BRINP3: variants seen among roughly 807,000 people sequenced by gnomAD.
BRINP3 encodes BMP/retinoic acid-inducible neural-specific protein 3.
In BRINP3, 19 loss-of-function variants were observed where a neutral mutation model predicts 71.0. That is an observed-to-expected ratio of 0.27 (90% CI 0.19 to 0.39). The LOEUF (loss-of-function observed/expected upper bound fraction) is 0.39, where lower values mean the gene tolerates loss of function less well. BRINP3 is among the 10% of genes least tolerant of loss of function. The pLI, the probability that BRINP3 is intolerant of heterozygous loss-of-function variation, is 1.00. For synonymous variants in BRINP3, 380 were observed against 337.7 expected (o/e 1.13, Z -1.37); for missense variants, 959 against 940.8 (o/e 1.02, Z -0.25).
At position 190,277,226 on chromosome 1, in the gene BRINP3, G is replaced by T. The variant is rs543575292; in HGVS notation, c.427+4334C>A. Among the ~76,000 whole-genome samples the T allele has an allele frequency of 2.0e-5, 3 of 150,118 alleles. No individual in the cohort carries two copies. The Admixed American group carries it at 2.0e-4, about 10-fold the overall frequency. On this transcript the variant is annotated intron_variant, in intron 3 of 7. Transcript: ENST00000367462. ...GTGTCTGATGGCCCACAGAGCTGCA[G>T]TGAGTTAACAGAAAGGCATAGTGTA...
chr1:190,171,946 T>A (rs75319008), intron 6 of BRINP3, among the ~76,000 whole-genome samples: 1 of 137,358 alleles, frequency 7.3e-6, no homozygotes, highest in African/African-American at 2.9e-5. Flanking sequence ...AACTCTATAA[T>A]TTTTTTTTTT....
intron 3 of BRINP3, among the ~76,000 whole-genome samples, chr1:190,273,281 C>A (rs1662273215): frequency 6.6e-6 from 1 of 151,490 alleles, no homozygotes; most frequent in South Asian, 2.1e-4. Flanking sequence ...GTTCAAAAGT[C>A]ATTTTTGTTC....
intron 2 of BRINP3, among the ~76,000 whole-genome samples, chr1:190,388,011 T>TATTAATTATAC (rs1553309070): frequency 6.6e-6 from 1 of 151,856 alleles, no homozygotes; most frequent in Non-Finnish European, 1.5e-5. Flanking sequence ...TCTACATGTA[T>TATTAATTATAC]ATGTACATTA....
At chr1:190,470,478 G>A (rs913915311) in intron 1 of BRINP3, among the ~76,000 whole-genome samples, 1 of 150,954 alleles carries the variant, frequency 6.6e-6, no homozygotes, top group Non-Finnish European at 1.5e-5. Context: ...TTTGCTTTGG[G>A]TGCTTTTAAA....
At chr1:190,227,597 AATTAT>A (rs539457979) in intron 5 of BRINP3, among the ~76,000 whole-genome samples, 167 of 152,032 alleles carry the variant, frequency 1.1e-3, no homozygotes, top group African/African-American at 3.9e-3. Flanking sequence ...TTGGCTAAAC[AATTAT>A]ATTAAGTTCA....
intron 1 of BRINP3, among the ~76,000 whole-genome samples, chr1:190,475,385 G>A (rs111866333): frequency 0.011 from 1,650 of 152,294 alleles, 16 homozygotes; most frequent in Non-Finnish European, 0.015. Context: ...GGCTTAGGAA[G>A]GTTGGAAATG....
At chr1:190,386,845 T>C (rs1468631066) in intron 2 of BRINP3, among the ~76,000 whole-genome samples, 1 of 152,050 alleles carries the variant, frequency 6.6e-6, no homozygotes, top group African/African-American at 2.4e-5. Flanking sequence ...TTCTTAGCTA[T>C]GCCATAGGGT....
chr1:190,241,995 TAA>T (rs1016952254), intron 4 of BRINP3, among the ~76,000 whole-genome samples: 52 of 151,882 alleles, frequency 3.4e-4, no homozygotes, highest in African/African-American at 1.2e-3. Context: ...TGATAGTCAT[TAA>T]GTCTTATTTC....
chr1:190,255,817 T>C (rs1170037532), intron 4 of BRINP3, among the ~76,000 whole-genome samples: 1 of 152,202 alleles, frequency 6.6e-6, no homozygotes. Context: ...TCTTGTCTTC[T>C]GCTAGCTTTT....
intron 4 of BRINP3, among the ~76,000 whole-genome samples, chr1:190,262,361 A>G (rs942651566): frequency 1.3e-5 from 2 of 152,134 alleles, no homozygotes; most frequent in Admixed American, 1.3e-4. Context: ...ACTCTTTCCT[A>G]TTCCCCGCTA....
At chr1:190,416,287 T>C (rs1027632833) in intron 2 of BRINP3, among the ~76,000 whole-genome samples, 1 of 152,164 alleles carries the variant, frequency 6.6e-6, no homozygotes, top group Non-Finnish European at 1.5e-5. Flanking sequence ...AAATTGCTTT[T>C]TCTATATTTT....
intron 2 of BRINP3, among the ~76,000 whole-genome samples, chr1:190,327,141 C>T (rs1666633524): frequency 6.6e-6 from 1 of 150,674 alleles, no homozygotes; most frequent in Non-Finnish European, 1.5e-5. Context: ...TATGGAGAAG[C>T]CCCATCTCTA....
chr1:190,277,087 T>TTTTATATATATATATATATATATATATA (rs1290283215), intron 3 of BRINP3, among the ~76,000 whole-genome samples: 8 of 36,034 alleles, frequency 2.2e-4, no homozygotes, highest in Non-Finnish European at 2.0e-4. Flanking sequence ...AATTTTGGTT[T>TTTTATATATATATATATATATATATATA]TATATATATA....
intron 2 of BRINP3, among the ~76,000 whole-genome samples, chr1:190,433,167 A>G (rs775811548): frequency 1.3e-5 from 2 of 152,146 alleles, no homozygotes; most frequent in Non-Finnish European, 2.9e-5. Flanking sequence ...CCTACTTTTC[A>G]TAGACCACTG....
chr1:190,330,796 C>T (rs1353624351), intron 2 of BRINP3, among the ~76,000 whole-genome samples: 1 of 151,948 alleles, frequency 6.6e-6, no homozygotes, highest in South Asian at 2.1e-4. Flanking sequence ...TACTATACCA[C>T]CATAAAAATA....
intron 7 of BRINP3, among the ~76,000 whole-genome samples, chr1:190,158,830 G>C: frequency 6.6e-6 from 1 of 151,414 alleles, no homozygotes; most frequent in South Asian, 2.1e-4. Context: ...ATGAAAATGA[G>C]GTTGAAAAAC....
intron 7 of BRINP3, among the ~76,000 whole-genome samples, chr1:190,158,952 T>C (rs1230891869): frequency 6.6e-6 from 1 of 151,952 alleles, no homozygotes; most frequent in African/African-American, 2.4e-5. Context: ...ATTAATTATC[T>C]GTATATCATA....
intron 2 of BRINP3, among the ~76,000 whole-genome samples, chr1:190,312,034 CAA>C (rs1320987965): frequency 2.4e-5 from 1 of 41,108 alleles, no homozygotes; most frequent in African/African-American, 7.5e-5. Context: ...TTTGAAAAGT[CAA>C]ATATATATAT....
chr1:190,177,147 CTTCTTTTT>C (rs1652591670), intron 6 of BRINP3, among the ~76,000 whole-genome samples: 1 of 129,870 alleles, frequency 7.7e-6, no homozygotes, highest in Non-Finnish European at 1.6e-5. Flanking sequence ...GAAGCACCCA[CTTCTTTTT>C]TTTTTTTTTT....
Sources: gnomAD v4.1 joint callset for allele counts (sites outside exome capture counted in the v4.1 genomes callset) on GRCh38, gnomAD v4.1.1 for gene constraint, MANE v1.5 for transcripts, NCBI Gene and HGNC (gene_info 2026-07-23, HGNC 2026-07-21) for gene names.